Variants in B3GALT1 observed in about 807,000 individuals in gnomAD.
B3GALT1 encodes UDP-Gal:betaGlcNAc beta 1,3-galactosyltransferase, polypeptide 1.
In B3GALT1, 10 loss-of-function variants were observed where a neutral mutation model predicts 23.2. That is an observed-to-expected ratio of 0.43 (90% confidence interval 0.27 to 0.73). B3GALT1 has a LOEUF of 0.73. B3GALT1 is among the 30% of genes least tolerant of loss of function. The pLI, the probability that B3GALT1 is intolerant of heterozygous loss-of-function variation, is 0.21. For synonymous variants in B3GALT1, 156 were observed against 141.5 expected, an observed-to-expected ratio of 1.10 and a Z score of -0.73; for missense variants, 299 against 405.4, an observed-to-expected ratio of 0.74 and a Z score of 2.25.
chr2:167,379,145 G>A (rs1359759206), intron 1 of B3GALT1, among the ~76,000 whole-genome samples: 2 of 152,140 alleles, frequency 1.3e-5, no homozygotes, highest in Non-Finnish European at 2.9e-5. Flanking sequence ...TGAAGGGGAA[G>A]CAAGGCACCT....
At chr2:167,846,031 TAACCC>T (rs1262448259) in intron 4 of B3GALT1, among the ~76,000 whole-genome samples, 1 of 152,070 alleles carries the variant, frequency 6.6e-6, no homozygotes, top group African/African-American at 2.4e-5. Flanking sequence ...GTCTTTGAAT[TAACCC>T]AATCCAACAA....
intron 1 of B3GALT1, among the ~76,000 whole-genome samples, chr2:167,329,739 G>T (rs1186743753): frequency 6.6e-6 from 1 of 152,078 alleles, no homozygotes; most frequent in Non-Finnish European, 1.5e-5. Flanking sequence ...TTCTGGGAAA[G>T]ACTTTATTTC....
intron 4 of B3GALT1, among the ~76,000 whole-genome samples, chr2:167,846,132 C>T (rs1474665589): frequency 2.0e-5 from 3 of 151,966 alleles, no homozygotes; most frequent in South Asian, 2.1e-4. Context: ...AAGAATAATC[C>T]GTGTTCCTGA....
chr2:167,441,681 G>T (rs1421198763), intron 1 of B3GALT1, among the ~76,000 whole-genome samples: 2 of 151,946 alleles, frequency 1.3e-5, no homozygotes, highest in African/African-American at 2.4e-5. Flanking sequence ...ATATTCAGAT[G>T]CTCTCTGGTT....
chr2:167,666,239 T>G (rs1686185066), intron 3 of B3GALT1, among the ~76,000 whole-genome samples: 1 of 152,228 alleles, frequency 6.6e-6, no homozygotes, highest in Non-Finnish European at 1.5e-5. Context: ...GGTTGTTCAG[T>G]TTCCATGTAG....
At chr2:167,559,795 T>C (rs1009161218) in intron 2 of B3GALT1, among the ~76,000 whole-genome samples, 1 of 152,044 alleles carries the variant, frequency 6.6e-6, no homozygotes, top group Admixed American at 6.6e-5. Context: ...CCAAGAAATA[T>C]GGGACTATGT....
At chr2:167,665,073 A>G (rs369029558) in intron 3 of B3GALT1, among the ~76,000 whole-genome samples, 1 of 151,844 alleles carries the variant, frequency 6.6e-6, no homozygotes, top group Non-Finnish European at 1.5e-5. Flanking sequence ...AGTTTTTGCC[A>G]ATTCAGTATG....
intron 1 of B3GALT1, among the ~76,000 whole-genome samples, chr2:167,381,477 T>G (rs1029941314): frequency 2.6e-5 from 4 of 152,224 alleles, no homozygotes; most frequent in African/African-American, 9.6e-5. Context: ...GATCTAATAC[T>G]CAGCAATACA....
chr2:167,426,198 T>G lies in B3GALT1; in HGVS notation c.-510-63979T>G, dbSNP rs536514865. On this transcript the variant is annotated intron_variant, in intron 1 of 4. Coordinates refer to ENST00000392690, the MANE Select transcript of B3GALT1 (RefSeq NM_020981.4). Reference sequence around the variant, plus strand: ...CTACAGAAGGATTTTCCTGAGAAATTTTGTTCATAGTTCATTGGCTCACTG... The same window carrying G: ...CTACAGAAGGATTTTCCTGAGAAATGTTGTTCATAGTTCATTGGCTCACTG... 1.2e-4 allele frequency among the ~76,000 whole-genome samples: 18 copies of G among 152,300 alleles called. No individual in the cohort carries two copies. In the South Asian group the frequency reaches 3.3e-3, roughly 28 times the overall value.
chr2:167,833,918 T>G (rs1689402011), intron 4 of B3GALT1, among the ~76,000 whole-genome samples: 1 of 152,184 alleles, frequency 6.6e-6, no homozygotes, highest in South Asian at 2.1e-4. Flanking sequence ...AAATTATCTC[T>G]AAGACTACTT....
intron 3 of B3GALT1, among the ~76,000 whole-genome samples, chr2:167,816,880 A>G (rs957663573): frequency 2.0e-5 from 3 of 152,200 alleles, no homozygotes; most frequent in Non-Finnish European, 2.9e-5. Flanking sequence ...AACTGACTAC[A>G]TGCTCTCCTG....
At chr2:167,536,418 C>A (rs995354005) in intron 2 of B3GALT1, among the ~76,000 whole-genome samples, 1 of 152,070 alleles carries the variant, frequency 6.6e-6, no homozygotes, top group African/African-American at 2.4e-5. Context: ...TTGGTGGTTA[C>A]AAAAGACAAT....
intron 3 of B3GALT1, among the ~76,000 whole-genome samples, chr2:167,668,449 A>C (rs1336615050): frequency 6.6e-6 from 1 of 152,156 alleles, no homozygotes; most frequent in African/African-American, 2.4e-5. Context: ...AGAGGCAGGC[A>C]GTCCTCCTTG....
At chr2:167,692,213 T>G (rs1054186399) in intron 3 of B3GALT1, among the ~76,000 whole-genome samples, 1 of 151,890 alleles carries the variant, frequency 6.6e-6, no homozygotes. Context: ...AGAGAGAGAG[T>G]GGATATATAA....
At chr2:167,566,521 T>G (rs1462578368) in intron 2 of B3GALT1, among the ~76,000 whole-genome samples, 6 of 147,774 alleles carry the variant, frequency 4.1e-5, no homozygotes, top group Admixed American at 1.3e-4. Context: ...AATAAAAGAA[T>G]AAAAAGAAAA....
chr2:167,762,310 A>G (rs1185406430), intron 3 of B3GALT1, among the ~76,000 whole-genome samples: 2 of 152,224 alleles, frequency 1.3e-5, no homozygotes, highest in African/African-American at 4.8e-5. Flanking sequence ...GACCAAGAAT[A>G]TGGCATTTTG....
At chr2:167,678,825 A>G (rs1478287230) in intron 3 of B3GALT1, among the ~76,000 whole-genome samples, 1 of 152,208 alleles carries the variant, frequency 6.6e-6, no homozygotes, top group East Asian at 1.9e-4. Flanking sequence ...GATACACTTT[A>G]CGTAAGTATA....
At chr2:167,830,279 C>G (rs1209065797) in intron 4 of B3GALT1, among the ~76,000 whole-genome samples, 1 of 151,576 alleles carries the variant, frequency 6.6e-6, no homozygotes, top group Non-Finnish European at 1.5e-5. Context: ...GAGCAGGGGT[C>G]AGTAGCGGGC....
At chr2:167,364,006 C>CA (rs1345769622) in intron 1 of B3GALT1, among the ~76,000 whole-genome samples, 1 of 150,810 alleles carries the variant, frequency 6.6e-6, no homozygotes, top group Non-Finnish European at 1.5e-5. Flanking sequence ...TAAAAACAGA[C>CA]AAAAAAAATT....
Sources: allele counts gnomAD v4.1 joint callset (sites outside exome capture counted in the v4.1 genomes callset), GRCh38; gene constraint gnomAD v4.1.1; transcripts MANE v1.5; gene names NCBI Gene and HGNC (gene_info 2026-07-23, HGNC 2026-07-21).